PKD1L1: variants seen among roughly 807,000 people sequenced by gnomAD.
PKD1L1 encodes polycystin 1 like 1, transient receptor potential channel interacting.
In PKD1L1, 236 loss-of-function variants were observed where a neutral mutation model predicts 323.4. The observed-to-expected ratio is 0.73, with a 90% CI of 0.66 to 0.81. The LOEUF is 0.81. Ranked by LOEUF, PKD1L1 falls within the 40% of genes least tolerant of loss-of-function variation. PKD1L1 has a pLI of 0.00. For missense variants in PKD1L1, 3,320 were observed against 3,508.0 expected (o/e 0.95, Z 1.35); for synonymous variants, 1,344 against 1,335.0 (o/e 1.01, Z -0.15).
At chr7:47,858,033 T>G (rs1316130824) in intron 27 of PKD1L1, among the ~76,000 whole-genome samples, 1 of 152,136 alleles carries the variant, frequency 6.6e-6, no homozygotes, top group South Asian at 2.1e-4. Flanking sequence ...TGAGTAATGA[T>G]GATGATTATT....
At chr7:47,948,312 G>A (rs1788142982) in intron 1 of PKD1L1, 85 bp downstream of exon 1, 1 of 1,494,816 alleles carries the variant, frequency 6.7e-7, no homozygotes, top group African/African-American at 1.4e-5. Context: ...CCACATCCTA[G>A]AGGTGATGAC....
At position 47,839,197 on chromosome 7, in the gene PKD1L1, A is replaced by G. The variant is rs1235892728; in HGVS notation, c.5769+249T>C. 6.6e-6 allele frequency among the ~76,000 whole-genome samples: 1 copy of G among 152,224 alleles called. No individual in the cohort carries two copies. Among genetic ancestry groups the G allele is most frequent in the Non-Finnish European group, 1.5e-5 (1 of 68,024 alleles). On this transcript the variant is annotated intron_variant, in intron 36 of 56. Transcript: ENST00000289672. This position sits in a 1 kb window ranked among gnomAD's most constrained non-coding sequence, Gnocchi z 4.3. ...CCACCAGCAACCATAAATTCCAGCAATGCTATTACAATTACAGAGAAGCAT... is the reference window on the plus strand; with the variant it reads ...CCACCAGCAACCATAAATTCCAGCAGTGCTATTACAATTACAGAGAAGCAT...
Position 47,775,006 on chromosome 7 carries a change from G to T in PKD1L1, c.*137C>A. 1 of 869,688 alleles carries T rather than the reference G, an allele frequency of 1.1e-6. No individual in the cohort carries two copies. The highest frequency in any genetic ancestry group is 1.8e-6 in the Non-Finnish European group (1 of 544,072). 53.9% of individuals were successfully genotyped at this position (869,688 alleles called of 1,614,324 possible). Reference sequence around the variant, plus strand: ...TCCTGGTTTCCCATTTACTTGTTACGTGAACTGGAAAAATTAACAAAACTT... The same window carrying T: ...TCCTGGTTTCCCATTTACTTGTTACTTGAACTGGAAAAATTAACAAAACTT... On this transcript the variant is annotated 3_prime_UTR_variant, in exon 57 of 57. Transcript: ENST00000289672.
Position 47,888,019 on chromosome 7 carries a change from A to G in PKD1L1, c.2807T>C (p.Val936Ala). The stretch of plus-strand genomic sequence containing the variant: ...TATCCTATTCTTTTCTGTTGCATTG[A>G]CTAAAAAGAGATCCCAGGAATAAGA... ...NLSYSWDLFLVNATEKNRIEV... is the reference protein window; with the variant it reads ...NLSYSWDLFLANATEKNRIEV... Residue 936 changes from valine (V) to alanine (A), a missense_variant, in exon 17 of 57, where the codon GTC becomes GCC. Physicochemically the swap from Val to Ala is moderately conservative, Grantham distance 64 (BLOSUM62 0). Coordinates refer to ENST00000289672, the MANE Select transcript of PKD1L1 (RefSeq NM_138295.5). 2 of 1,613,832 alleles carry G rather than the reference A, an allele frequency of 1.2e-6. No homozygotes were observed. Among genetic ancestry groups the G allele is most frequent in the Non-Finnish European group, 1.7e-6 (2 of 1,179,762 alleles).
At position 47,839,505 on chromosome 7, in the gene PKD1L1, G is replaced by A; in HGVS notation, c.5710C>T (p.His1904Tyr). 2 of 1,612,378 alleles carry A rather than the reference G, an allele frequency of 1.2e-6. No individual in the cohort carries two copies. The highest frequency in any genetic ancestry group is 1.1e-5 in the South Asian group (1 of 90,614). ...AGCTCCCGCTCCACGCGACCATCAT[G>A]CCTGCCGGCAGACAGCCAGCACTGG... ...PAQCWLSAGR[H>Y]DGRVERELTC... Residue 1904 changes from histidine to tyrosine, a missense_variant, in exon 36 of 57, where the codon CAT (histidine) becomes TAT (tyrosine). Coordinates refer to ENST00000289672, the MANE Select transcript of PKD1L1 (RefSeq NM_138295.5). This position sits in a 1 kb window ranked among gnomAD's most constrained non-coding sequence, Gnocchi z 4.3.
chr7:47,893,986 C>T lies in PKD1L1; in HGVS notation c.2345G>A (p.Ser782Asn). ...TAGGTGTGTGCCCTCGGAGATCACA[C>T]TGACAGGGGCCTGGGCTCGCACCTC... ...GLEVRAQAPV[S>N]VISEGTHLFF... is the part of the protein sequence containing the mutation. Residue 782 changes from serine to asparagine, a missense_variant, in exon 15 of 57, where the codon AGT becomes AAT. Ser to Asn is a conservative substitution (Grantham distance 46). Transcript: ENST00000289672. The T allele has an allele frequency of 6.2e-7, 1 of 1,613,626 alleles. No individual in the cohort carries two copies. Among genetic ancestry groups the T allele is most frequent in the South Asian group, 1.1e-5 (1 of 90,986 alleles).
chr7:47,830,814 T>C (rs1785332201), intron 42 of PKD1L1, among the ~76,000 whole-genome samples: 1 of 152,154 alleles, frequency 6.6e-6, no homozygotes, highest in Non-Finnish European at 1.5e-5. Flanking sequence ...CTGTGACACA[T>C]GCATCATAAT....
chr7:47,806,218 C>T (rs1293860495), intron 52 of PKD1L1, among the ~76,000 whole-genome samples: 1 of 152,198 alleles, frequency 6.6e-6, no homozygotes, highest in Non-Finnish European at 1.5e-5. Flanking sequence ...CCCCTGTCCG[C>T]ATCAGGTGAA....
At chr7:47,925,344 C>T (rs150585250) in intron 7 of PKD1L1, among the ~76,000 whole-genome samples, 146 of 151,738 alleles carry the variant, frequency 9.6e-4, no homozygotes, top group African/African-American at 3.4e-3. Context: ...ACTCCTGTCT[C>T]TATTAAAACA....
At position 47,774,691 on chromosome 7, in the gene PKD1L1, T is replaced by C. The variant is rs1786530026; in HGVS notation, c.*452A>G. On this transcript the variant is annotated 3_prime_UTR_variant, in exon 57 of 57. Coordinates refer to ENST00000289672, the MANE Select transcript of PKD1L1 (RefSeq NM_138295.5). ...TATTAATCTAGCAAGATTCAATTGT[T>C]AAATTTACAAAATAAGGATTTTACT... 2.0e-5 allele frequency: 3 copies of C among 152,946 alleles called. No homozygotes were observed. Among genetic ancestry groups the C allele is most frequent in the Admixed American group, 2.0e-4 (3 of 15,298 alleles). The allele number at this position is 152,946 out of a possible 1,614,324, so 9.5% of individuals were successfully genotyped here. A position where few individuals can be genotyped will look rare whatever the true frequency, so the allele number is the denominator to read the frequency against.
chr7:47,857,814 G>A lies in PKD1L1; in HGVS notation c.4381C>T (p.His1461Tyr), dbSNP rs190062312. The A allele has an allele frequency of 2.5e-6, 4 of 1,614,102 alleles. No individual in the cohort carries two copies. The African/African-American group carries it at 4.0e-5, about 16-fold the overall frequency. ...AACTCCATCTGCCCAGTGCTAACAT[G>A]GTTCAAAGAGAGACAACCCTGAAAC... ...DLLLGCLSLN[H>Y]VSTGQMEFRT... Residue 1461 changes from histidine (H) to tyrosine (Y), a missense_variant, in exon 28 of 57, where the codon CAT becomes TAT. His to Tyr is a moderately conservative substitution (Grantham distance 83, BLOSUM62 2). Transcript: ENST00000289672.
At chr7:47,881,723 C>A (rs10257503) in intron 20 of PKD1L1, among the ~76,000 whole-genome samples, 186 bp downstream of exon 20, 3 of 152,180 alleles carry the variant, frequency 2.0e-5, no homozygotes, top group Non-Finnish European at 4.4e-5. Flanking sequence ...TAGCAACAGA[C>A]GCTAACTTTA....
At chr7:47,848,173 C>T (rs1013336994) in intron 31 of PKD1L1, among the ~76,000 whole-genome samples, 1 of 152,074 alleles carries the variant, frequency 6.6e-6, no homozygotes, top group Non-Finnish European at 1.5e-5. Context: ...TTACCAAAAC[C>T]ACATAGGCAT....
At chr7:47,793,221 A>T (rs1230444218) in intron 55 of PKD1L1, among the ~76,000 whole-genome samples, 3 of 152,174 alleles carry the variant, frequency 2.0e-5, no homozygotes, top group East Asian at 3.9e-4. Flanking sequence ...CAAAATGTAC[A>T]GTACCGTGAT....
At chr7:47,912,586 C>T (rs548350468) in intron 8 of PKD1L1, among the ~76,000 whole-genome samples, 49 of 151,834 alleles carry the variant, frequency 3.2e-4, no homozygotes, top group Non-Finnish European at 6.5e-4. Flanking sequence ...GAGGCTGAGG[C>T]GGGTGGATCG....
Position 47,931,266 on chromosome 7 carries a change from C to A in PKD1L1, c.575G>T (p.Cys192Phe). Residue 192 changes from cysteine to phenylalanine, a missense_variant, in exon 6 of 57, where the codon TGC (cysteine) becomes TTC (phenylalanine). Cys to Phe is a radical substitution (Grantham distance 205). Coordinates refer to ENST00000289672, the MANE Select transcript of PKD1L1 (RefSeq NM_138295.5). The stretch of plus-strand genomic sequence containing the variant: ...ACAGCACAGCAGTCTCAGGACACAG[C>A]AGGAAGCCTCCATCTTCAGGCTGCA... ...APCSLKMEASCCVLRLLCCAE... is the reference protein window; with the variant it reads ...APCSLKMEASFCVLRLLCCAE... The A allele has an allele frequency of 6.2e-7, 1 of 1,614,258 alleles. No individual in the cohort carries two copies. Among genetic ancestry groups the A allele is most frequent in the Non-Finnish European group, 8.5e-7 (1 of 1,180,046 alleles).
At chr7:47,942,282 A>G (rs1242728386) in intron 2 of PKD1L1, among the ~76,000 whole-genome samples, 1 of 152,186 alleles carries the variant, frequency 6.6e-6, no homozygotes, top group Non-Finnish European at 1.5e-5. Flanking sequence ...AGTCTTCATG[A>G]TGATTATGCT....
intron 21 of PKD1L1, among the ~76,000 whole-genome samples, chr7:47,878,758 G>A (rs904822953): frequency 6.6e-6 from 1 of 152,206 alleles, no homozygotes; most frequent in Non-Finnish European, 1.5e-5. Context: ...AAGACTTAGA[G>A]TCACGAGGGG....
intron 56 of PKD1L1, among the ~76,000 whole-genome samples, chr7:47,788,791 T>G (rs185705709): frequency 1.1e-4 from 16 of 150,036 alleles, no homozygotes; most frequent in East Asian, 2.0e-4. Flanking sequence ...TAGAGATGGG[T>G]TTTCACCGTG....
Sources: allele counts gnomAD v4.1 joint callset (sites outside exome capture counted in the v4.1 genomes callset), GRCh38; gene constraint gnomAD v4.1.1; non-coding constraint Gnocchi (gnomAD v3.1); transcripts MANE v1.5; gene names NCBI Gene and HGNC (gene_info 2026-07-23, HGNC 2026-07-21).